CA2: variants seen among roughly 807,000 people sequenced by gnomAD.
CA2 encodes the protein carbonate dehydratase II.
In CA2, 23 loss-of-function variants were observed where a neutral mutation model predicts 27.8. The observed-to-expected ratio is 0.83, with a 90% CI of 0.59 to 1.17. CA2 has a LOEUF of 1.17. Among genes scored for constraint, CA2 ranks in the 50% most tolerant of loss-of-function variants. CA2 has a pLI of 0.00. For synonymous variants in CA2, 99 were observed against 114.9 expected, an observed-to-expected ratio of 0.86 and a Z score of 0.88; for missense variants, 300 against 314.7, an observed-to-expected ratio of 0.95 and a Z score of 0.35.
Position 85,464,044 on chromosome 8 carries a change from G to T in CA2, c.-38G>T, listed in dbSNP as rs1811575246. On this transcript the variant is annotated 5_prime_UTR_variant, in exon 1 of 7. Transcript: ENST00000285379. ...CGCCCAAGCCGCCGCCGCCAGATCG[G>T]TGCCGATTCCTGCCCTGCCCCGACC... 5.8e-6 allele frequency: 9 copies of T among 1,541,248 alleles called. No homozygotes were observed. The highest frequency in any genetic ancestry group is 6.1e-6 in the Non-Finnish European group (7 of 1,146,210).
intron 6 of CA2, among the ~76,000 whole-genome samples, chr8:85,477,969 G>A (rs1306160811): frequency 6.6e-6 from 1 of 152,170 alleles, no homozygotes; most frequent in Non-Finnish European, 1.5e-5. Flanking sequence ...AATAATTTAA[G>A]GATAGCTTTA....
At position 85,465,390 on chromosome 8, in the gene CA2, T is replaced by A; in HGVS notation, c.153T>A (p.Tyr51Ter). The A allele has an allele frequency of 6.2e-7, 1 of 1,614,234 alleles. No individual in the cohort carries two copies. The highest frequency in any genetic ancestry group is 1.7e-5 in the Admixed American group (1 of 60,030). Residue 51 changes from tyrosine to a stop codon, truncating the protein, a stop_gained, in exon 2 of 7, where the codon TAT (tyrosine) becomes TAA (stop). Transcript: ENST00000285379. LOFTEE classifies it high-confidence loss of function. ...CCCTGAAGCCCCTGTCTGTTTCCTA[T>A]GATCAAGCAACTTCCCTGAGGATCC... ...DPSLKPLSVS[Y>*]DQATSLRILN... is the part of the protein sequence containing the mutation.
chr8:85,479,477 G>A (rs1388497141), intron 6 of CA2, among the ~76,000 whole-genome samples: 1 of 152,160 alleles, frequency 6.6e-6, no homozygotes, highest in Admixed American at 6.6e-5. Flanking sequence ...CTGGACAAAA[G>A]AGATCAGGTT....
chr8:85,478,391 A>T (rs933401930), intron 6 of CA2, among the ~76,000 whole-genome samples: 2 of 152,244 alleles, frequency 1.3e-5, no homozygotes, highest in Non-Finnish European at 2.9e-5. Flanking sequence ...AACATATTTG[A>T]GTAAGCTTCT....
At chr8:85,466,957 G>A (rs1429413703) in intron 2 of CA2, among the ~76,000 whole-genome samples, 1 of 152,092 alleles carries the variant, frequency 6.6e-6, no homozygotes, top group Admixed American at 6.6e-5. Flanking sequence ...AACATTTCAC[G>A]TCTAGTCATT....
chr8:85,465,370 A>T lies in CA2; in HGVS notation c.133A>T (p.Lys45Ter). ...TACAGCCAAGTATGACCCTTCCCTG[A>T]AGCCCCTGTCTGTTTCCTATGATCA... is the stretch of plus-strand genomic sequence containing the variant. ...THTAKYDPSL[K>*]PLSVSYDQAT... Residue 45 changes from lysine to a stop codon, truncating the protein, a stop_gained, in exon 2 of 7, where the codon AAG (lysine) becomes TAG (stop). Coordinates refer to ENST00000285379, the MANE Select transcript of CA2 (RefSeq NM_000067.3). LOFTEE classifies it high-confidence loss of function. 10 of 1,614,162 alleles carry T rather than the reference A, an allele frequency of 6.2e-6. No homozygotes were observed. Among genetic ancestry groups the T allele is most frequent in the Non-Finnish European group, 8.5e-6 (10 of 1,179,978 alleles).
chr8:85,469,515 C>T (rs1811683871), intron 2 of CA2, among the ~76,000 whole-genome samples: 1 of 152,044 alleles, frequency 6.6e-6, no homozygotes, highest in African/African-American at 2.4e-5. Flanking sequence ...ATAAATTCAC[C>T]TTAAGTTAAT....
intron 6 of CA2, among the ~76,000 whole-genome samples, chr8:85,480,114 G>A (rs1448752984): frequency 3.3e-5 from 5 of 152,062 alleles, no homozygotes; most frequent in African/African-American, 7.2e-5. Context: ...TGACCCCAAC[G>A]AATTTGTGTA....
intron 2 of CA2, among the ~76,000 whole-genome samples, chr8:85,465,962 A>G (rs1030290661): frequency 1.5e-4 from 23 of 152,300 alleles, no homozygotes; most frequent in African/African-American, 5.5e-4. Flanking sequence ...AGTATTTCTT[A>G]GTATTGGGCT....
At chr8:85,468,778 A>G (rs1355044211) in intron 2 of CA2, among the ~76,000 whole-genome samples, 6 of 149,026 alleles carry the variant, frequency 4.0e-5, no homozygotes, top group Non-Finnish European at 8.8e-5. Flanking sequence ...AAACAAACAA[A>G]AAACCACACA....
rs754480121 is a variant in CA2 at position 85,474,332 on chromosome 8, G to C, written c.360G>C (p.Leu120Phe). 1.9e-6 allele frequency: 3 copies of C among 1,613,476 alleles called. No individual in the cohort carries two copies. The highest frequency in any genetic ancestry group is 2.5e-6 in the Non-Finnish European group (3 of 1,179,476). Residue 120 changes from leucine to phenylalanine, a missense_variant, in exon 4 of 7, where the codon TTG (leucine) becomes TTC (phenylalanine). Around this residue, in one of 3 missense-constraint regions of CA2, gnomAD observed 5 missense variants for 20.5 expected, o/e 0.24. Transcript: ENST00000285379. ...DKKKYAAELH[L>F]VHWNTKYGDF... ...TGTCTCTTCGGCCTTAGCTTCACTT[G>C]GTTCACTGGAACACCAAATATGGGG...
intron 1 of CA2, 57 bp downstream of exon 1, chr8:85,464,172 G>GATCCCCGATCCCCC: frequency 6.8e-7 from 1 of 1,478,168 alleles, no homozygotes; most frequent in South Asian, 1.2e-5. Context: ...CCCGATCCCC[G>GATCCCCGATCCCCC]ATCCCCGAGC....
chr8:85,464,487 A>G (rs1018672291), intron 1 of CA2: 1 of 208,414 alleles, frequency 4.8e-6, no homozygotes, highest in Non-Finnish European at 9.4e-6. Context: ...GTTGTAACGG[A>G]AAATTCTAGT....
rs1456578501 is a variant in CA2 at position 85,464,048 on chromosome 8, C to T, written c.-34C>T. The T allele has an allele frequency of 6.5e-7, 1 of 1,542,326 alleles. No homozygotes were observed. The highest frequency in any genetic ancestry group is 8.7e-7 in the Non-Finnish European group (1 of 1,146,722). ...CAAGCCGCCGCCGCCAGATCGGTGC[C>T]GATTCCTGCCCTGCCCCGACCGCCA... On this transcript the variant is annotated 5_prime_UTR_variant, in exon 1 of 7. Coordinates refer to ENST00000285379, the MANE Select transcript of CA2 (RefSeq NM_000067.3).
intron 5 of CA2, 102 bp from the exon 6 acceptor site, chr8:85,477,018 G>C (rs1363226620): frequency 9.2e-7 from 1 of 1,086,980 alleles, no homozygotes; most frequent in East Asian, 2.4e-5. Flanking sequence ...AAGTGTTTTT[G>C]ACCATCAGAG....
chr8:85,474,633 A>G, intron 4 of CA2: 1 of 568,066 alleles, frequency 1.8e-6, no homozygotes, highest in East Asian at 3.1e-5. Context: ...TACCTTTTGG[A>G]TGTAAATGTG....
chr8:85,480,372 C>A (rs1017089857), intron 6 of CA2, among the ~76,000 whole-genome samples: 3 of 151,916 alleles, frequency 2.0e-5, no homozygotes, highest in African/African-American at 7.3e-5. Context: ...GATTCTTGTG[C>A]CTTAGCCTCC....
chr8:85,480,245 G>C (rs575211947), intron 6 of CA2, among the ~76,000 whole-genome samples: 1 of 152,232 alleles, frequency 6.6e-6, no homozygotes, highest in Non-Finnish European at 1.5e-5. Context: ...GTTGTGGAAT[G>C]TAATTTTTGT....
At chr8:85,470,482 G>A (rs1203235524) in intron 2 of CA2, among the ~76,000 whole-genome samples, 1 of 152,074 alleles carries the variant, frequency 6.6e-6, no homozygotes, top group Non-Finnish European at 1.5e-5. Context: ...AGAAACTGTT[G>A]ACATTCATTA....
Sources: allele counts gnomAD v4.1 joint callset (sites outside exome capture counted in the v4.1 genomes callset), GRCh38; gene constraint gnomAD v4.1.1; regional missense constraint gnomAD v4.1.1; transcripts MANE v1.5; gene names NCBI Gene and HGNC (gene_info 2026-07-23, HGNC 2026-07-21).